The following APOC2 variants were observed in gnomAD, a reference collection of about 807,000 sequenced individuals.
APOC2 encodes the protein apolipoprotein C-II.
In APOC2, 6 loss-of-function variants were observed where a neutral mutation model predicts 10.2. The ratio of observed to expected loss-of-function variants is 0.59; its 90% CI spans 0.32 to 1.16. The LOEUF is 1.16. Ranked by LOEUF, APOC2 falls within the 50% of genes most tolerant of loss-of-function variation. The pLI, the probability that APOC2 is intolerant of heterozygous loss-of-function variation, is 0.05. For synonymous variants in APOC2, 56 were observed against 48.5 expected (o/e 1.15, Z -0.64); for missense variants, 110 against 117.6 (o/e 0.94, Z 0.30).
rs120074114 is a variant in APOC2, at chr19:44,948,767, A to C, written c.122A>C (p.Lys41Thr). 1,389 of 1,614,184 alleles carry C rather than the reference A, an allele frequency of 8.6e-4. 4 individuals are homozygous for C. The highest frequency in any genetic ancestry group is 1.5e-3 in the Middle Eastern group (9 of 6,062). ...MPSPTFLTQV[K>T]ESLSSYWESA... ...AGCCCGACCTTCCTCACCCAGGTGA[A>C]GGAATCTCTCTCCAGTTACTGGGAG... The change falls in exon 3 of 4, where the codon AAG becomes ACG. Residue 41 changes from lysine to threonine, a missense_variant. Physicochemically the swap from Lys to Thr is moderately conservative, Grantham distance 78. Transcript: ENST00000252490.
intron 1 of APOC2, 116 bp downstream of exon 1, chr19:44,946,191 C>CTGTGTGTGTGTGTGTG (rs71338739): frequency 4.9e-4 from 66 of 134,110 alleles, no homozygotes; most frequent in African/African-American, 1.4e-3. Flanking sequence ...GGAACCATGA[C>CTGTGTGTGTGTGTGTG]TGTGTGTGTG....
chr19:44,949,535 G>C lies in APOC2; in HGVS notation c.*286G>C, dbSNP rs967167791. On this transcript the variant is annotated 3_prime_UTR_variant, in exon 4 of 4. Coordinates refer to ENST00000252490, the MANE Select transcript of APOC2 (RefSeq NM_000483.5). ...CATGGGTCCATGGGAATAAAGCAGT[G>C]AATAGTAACAATAAATAATCGTAAC... 1 of 445,484 alleles carries C rather than the reference G, an allele frequency of 2.2e-6. No individual in the cohort carries two copies. 27.6% of individuals were successfully genotyped at this position (445,484 alleles called of 1,614,324 possible).
chr19:44,947,260 T>C (rs1970332416), intron 1 of APOC2: 1 of 152,282 alleles, frequency 6.6e-6, no homozygotes, highest in Non-Finnish European at 1.5e-5. Context: ...GATGATGATA[T>C]TGTGCCCTGT....
intron 3 of APOC2, 97 bp from the exon 4 acceptor site, chr19:44,949,062 G>A (rs765929871): frequency 1.1e-5 from 12 of 1,131,578 alleles, no homozygotes; most frequent in Non-Finnish European, 1.3e-5. Context: ...TCCTCCCTCA[G>A]ACCCAGGAGT....
At position 44,948,671 on chromosome 19, in the gene APOC2, G is replaced by A. The variant is rs114780592; in HGVS notation, c.56-30G>A. On this transcript the variant is annotated intron_variant, in intron 2 of 3. Transcript: ENST00000252490. ...TCCTTTCCCCCTGCTGCAGCCCCAC[G>A]GGCTCTCCTGACACACTCTCCCCCT... The A allele has an allele frequency of 1.3e-3, 2,088 of 1,613,418 alleles. 22 individuals carry two copies. In the African/African-American group the frequency reaches 0.023, roughly 17 times the overall value.
intron 1 of APOC2, among the ~76,000 whole-genome samples, chr19:44,946,283 A>C (rs1451061496): frequency 6.6e-6 from 1 of 151,318 alleles, no homozygotes; most frequent in African/African-American, 2.4e-5. Flanking sequence ...CCCAGGCTAG[A>C]CTCAAACTCC....
In APOC2 at chr19:44,948,659, C is replaced by T. The variant is rs2122209779; in HGVS notation, c.56-42C>T. ...CTTCTTCCTTCCTCCTTTCCCCCTG[C>T]TGCAGCCCCACGGGCTCTCCTGACA... On this transcript the variant is annotated intron_variant, in intron 2 of 3. Transcript: ENST00000252490. 1.9e-6 allele frequency: 3 copies of T among 1,612,610 alleles called. No homozygotes were observed. In the East Asian group the frequency reaches 6.7e-5, roughly 36 times the overall value.
rs1205006444 is a variant in APOC2, at chr19:44,949,279, G to C, written c.*30G>C. 6.3e-7 allele frequency: 1 copy of C among 1,589,338 alleles called. No homozygotes were observed. Among genetic ancestry groups the C allele is most frequent in the Admixed American group, 1.7e-5 (1 of 58,740 alleles). ...CAGACCCCCCATCAGTGGACAAGGG[G>C]AGAGTCCCCTACTCCCCTGATCCCC... On this transcript the variant is annotated 3_prime_UTR_variant, in exon 4 of 4. Coordinates refer to ENST00000252490, the MANE Select transcript of APOC2 (RefSeq NM_000483.5).
At chr19:44,948,411 A>T in intron 1 of APOC2, 55 bp from the exon 2 acceptor site, 2 of 1,499,370 alleles carry the variant, frequency 1.3e-6, no homozygotes, top group Non-Finnish European at 9.3e-7. Flanking sequence ...GGGCGTGACC[A>T]CAGGAACAGC....
At chr19:44,947,418 C>T (rs1372318504) in intron 1 of APOC2, 1 of 152,282 alleles carries the variant, frequency 6.6e-6, no homozygotes, top group East Asian at 1.9e-4. Context: ...CTGCAGAGCA[C>T]CTCCCTGCAC....
At chr19:44,948,390 C>A (rs7257095) in intron 1 of APOC2, 76 bp from the exon 2 acceptor site, 7 of 1,266,608 alleles carry the variant, frequency 5.5e-6, no homozygotes, top group Non-Finnish European at 8.1e-6. Context: ...TCAGTCCCCC[C>A]CACCAGAGTG....
intron 1 of APOC2, 71 bp from the exon 2 acceptor site, chr19:44,948,393 CCA>C: frequency 7.6e-7 from 1 of 1,313,418 alleles, no homozygotes; most frequent in Non-Finnish European, 1.1e-6. Context: ...GTCCCCCCCA[CCA>C]GAGTGGGGCG....
chr19:44,948,477 C>T lies in APOC2; in HGVS notation c.-2C>T, dbSNP rs5121. On this transcript the variant is annotated 5_prime_UTR_variant, in exon 2 of 4. Transcript: ENST00000252490. ...CCTCAATGTTCCAGGTCTCTGGACA[C>T]TATGGGCACACGACTCCTCCCAGCT... The T allele has an allele frequency of 1.1e-3, 1,845 of 1,614,026 alleles. 25 individuals are homozygous for T. The African/African-American group carries it at 0.022, about 19-fold the overall frequency.
intron 1 of APOC2, 181 bp from the exon 2 acceptor site, chr19:44,948,285 C>T: frequency 1.6e-6 from 1 of 626,360 alleles, no homozygotes. Flanking sequence ...AGTAGAATCA[C>T]AGAATGTTGG....
intron 1 of APOC2, 151 bp from the exon 2 acceptor site, chr19:44,948,315 G>A: frequency 1.4e-6 from 1 of 696,430 alleles, no homozygotes; most frequent in Admixed American, 2.1e-5. Flanking sequence ...CCCAAGAAGG[G>A]GGCTGTGTCC....
chr19:44,946,264 G>A (rs1245146683), intron 1 of APOC2, among the ~76,000 whole-genome samples, 189 bp downstream of exon 1: 9 of 144,278 alleles, frequency 6.2e-5, no homozygotes, highest in East Asian at 2.2e-4. Flanking sequence ...ATGGAGTCTC[G>A]CTATGTAGCC....
At position 44,948,691 on chromosome 19, in the gene APOC2, C is replaced by T; in HGVS notation, c.56-10C>T. 1 of 1,614,008 alleles carries T rather than the reference C, an allele frequency of 6.2e-7. No individual in the cohort carries two copies. Among genetic ancestry groups the T allele is most frequent in the Non-Finnish European group, 8.5e-7 (1 of 1,179,970 alleles). The stretch of plus-strand genomic sequence containing the variant: ...CCCACGGGCTCTCCTGACACACTCT[C>T]CCCCTGCAGAGGTCCAGGGGACCCA... On this transcript the variant is annotated splice_polypyrimidine_tract_variant and intron_variant, in intron 2 of 3. Coordinates refer to ENST00000252490, the MANE Select transcript of APOC2 (RefSeq NM_000483.5).
chr19:44,948,271 CAGG>C (rs1303187883), intron 1 of APOC2, 192 bp from the exon 2 acceptor site: 4 of 594,790 alleles, frequency 6.7e-6, no homozygotes, highest in Admixed American at 2.9e-5. Flanking sequence ...ATGTTAAAAT[CAGG>C]AGTAGAATCA....
intron 1 of APOC2, among the ~76,000 whole-genome samples, chr19:44,947,739 G>A (rs145931717): frequency 0.011 from 1,675 of 152,200 alleles, 26 homozygotes; most frequent in African/African-American, 0.035. Context: ...TTCAAGACCA[G>A]CCTGGCCAAC....
Sources: gnomAD v4.1 joint callset for allele counts (sites outside exome capture counted in the v4.1 genomes callset) on GRCh38, gnomAD v4.1.1 for gene constraint, MANE v1.5 for transcripts, NCBI Gene and HGNC (gene_info 2026-07-23, HGNC 2026-07-21) for gene names.